ZNF638: variants seen among roughly 807,000 people sequenced by gnomAD.
ZNF638 encodes zinc finger protein 638, also known as CTCL tumor antigen se33-1.
ZNF638 carries 46 observed loss-of-function variants against 195.6 expected under a neutral mutation model. The ratio of observed to expected loss-of-function variants is 0.24; its 90% confidence interval spans 0.19 to 0.30. The LOEUF (loss-of-function observed/expected upper bound fraction) is 0.30. ZNF638 is among the 10% of genes least tolerant of loss of function. The pLI is 1.00. For synonymous variants in ZNF638, 845 were observed against 772.0 expected (o/e 1.09, Z -1.57); for missense variants, 2,440 against 2,325.3 (o/e 1.05, Z -1.01).
chr2:71,404,037 T>G, intron 17 of ZNF638, 39 bp downstream of exon 17: 1 of 1,573,838 alleles, frequency 6.4e-7, no homozygotes, highest in South Asian at 1.2e-5. Context: ...CTTACTAAGT[T>G]TTTAAATCAG....
At chr2:71,332,492 C>G (rs1015264851) in intron 1 of ZNF638, among the ~76,000 whole-genome samples, 4 of 152,154 alleles carry the variant, frequency 2.6e-5, no homozygotes, top group Non-Finnish European at 5.9e-5. Flanking sequence ...CTGCGTAGTG[C>G]AGGTATGAAA....
At chr2:71,433,011 C>A (rs2080697880) in intron 26 of ZNF638, among the ~76,000 whole-genome samples, 154 bp from the exon 27 acceptor site, 1 of 152,238 alleles carries the variant, frequency 6.6e-6, no homozygotes, top group African/African-American at 2.4e-5. Context: ...CACATGAACC[C>A]AGGAGGCAGA....
intron 2 of ZNF638, among the ~76,000 whole-genome samples, chr2:71,355,443 A>T (rs924667674): frequency 2.0e-5 from 3 of 152,116 alleles, no homozygotes; most frequent in Non-Finnish European, 4.4e-5. Context: ...CCAAGTTTAT[A>T]TATTGATTTC....
chr2:71,342,786 T>C (rs1402778666), intron 1 of ZNF638, among the ~76,000 whole-genome samples: 1 of 152,174 alleles, frequency 6.6e-6, no homozygotes, highest in African/African-American at 2.4e-5. Context: ...GCATAAGGGA[T>C]GTTGGTTCCT....
chr2:71,367,486 T>C (rs939790801), intron 6 of ZNF638, among the ~76,000 whole-genome samples: 1 of 144,536 alleles, frequency 6.9e-6, no homozygotes, highest in Non-Finnish European at 1.5e-5. Flanking sequence ...CAGGCTGGAG[T>C]GCAGTGGCGT....
At chr2:71,370,225 A>G (rs57720216) in intron 8 of ZNF638, among the ~76,000 whole-genome samples, 1,943 of 152,320 alleles carry the variant, frequency 0.013, 39 homozygotes, top group African/African-American at 0.042. Flanking sequence ...AATACTTGCC[A>G]TATATAACAC....
rs763884942 is a variant in ZNF638, at chr2:71,418,634, A to G, written c.3294A>G (p.Lys1098=). The G allele has an allele frequency of 2.6e-6, 4 of 1,564,060 alleles. No homozygotes were observed. In the South Asian group the frequency reaches 3.7e-5, roughly 14 times the overall value. ...TTGAGCATGACCCAGAATTAGAAAA[A>G]GAAAGGTATGTTGCTTTATGTTTAC... The part of the protein sequence containing the change: ...VQIEHDPELE[K]ESPGLKNSPI... The change falls in exon 21 of 28, where the codon AAA becomes AAG. Residue 1098 remains lysine, a synonymous_variant. Transcript: ENST00000264447.
intron 8 of ZNF638, chr2:71,376,452 A>G (rs751398729): frequency 2.0e-5 from 3 of 152,182 alleles, no homozygotes; most frequent in Non-Finnish European, 2.9e-5. Flanking sequence ...AGGAAGGGGC[A>G]ATCTTTTTGG....
Position 71,434,894 on chromosome 2 carries a change from G to C in ZNF638, c.*87G>C, listed in dbSNP as rs1049747176. The C allele has an allele frequency of 1.7e-5, 20 of 1,209,686 alleles. No individual in the cohort carries two copies. Among genetic ancestry groups the C allele is most frequent in the Non-Finnish European group, 2.3e-5 (20 of 867,768 alleles). 74.9% of individuals were successfully genotyped at this position (1,209,686 alleles called of 1,614,324 possible). A position where few individuals can be genotyped will look rare whatever the true frequency, so the allele number is the denominator to read the frequency against. ...TGTTATCATTTAATTTGTAATTTTCGTTTCAGAAGCAAATATTCGTGTTGT... is the reference window on the plus strand; with the variant it reads ...TGTTATCATTTAATTTGTAATTTTCCTTTCAGAAGCAAATATTCGTGTTGT... On this transcript the variant is annotated 3_prime_UTR_variant, in exon 28 of 28. Transcript: ENST00000264447.
chr2:71,378,724 A>G (rs1049484847), intron 8 of ZNF638, among the ~76,000 whole-genome samples: 1 of 152,256 alleles, frequency 6.6e-6, no homozygotes, highest in African/African-American at 2.4e-5. Context: ...AACTTTCAGT[A>G]AGTTAGTTGG....
chr2:71,355,673 A>C (rs749283962), intron 2 of ZNF638, 46 bp from the exon 3 acceptor site: 6 of 1,262,306 alleles, frequency 4.8e-6, no homozygotes, highest in Non-Finnish European at 6.7e-6. Context: ...TCATTAGTCA[A>C]CATGAGGAAT....
chr2:71,367,079 A>G (rs1312220797), intron 6 of ZNF638, among the ~76,000 whole-genome samples: 1 of 152,152 alleles, frequency 6.6e-6, no homozygotes, highest in African/African-American at 2.4e-5. Flanking sequence ...ATTTAGAAGG[A>G]TAAACTTCTG....
chr2:71,353,436 G>T (rs1311903028), intron 2 of ZNF638, among the ~76,000 whole-genome samples: 1 of 152,204 alleles, frequency 6.6e-6, no homozygotes, highest in African/African-American at 2.4e-5. Context: ...ATTCTGTGCA[G>T]TCCTTGCAGC....
At chr2:71,429,122 A>G (rs1328491196) in intron 25 of ZNF638, among the ~76,000 whole-genome samples, 1 of 152,224 alleles carries the variant, frequency 6.6e-6, no homozygotes, top group Admixed American at 6.5e-5. Flanking sequence ...TAAAAAGGGT[A>G]GACAAAAGAA....
In ZNF638 at chr2:71,382,454, A is replaced by G. The variant is rs190805928; in HGVS notation, c.2377+1889A>G. 2.4e-3 allele frequency among the ~76,000 whole-genome samples: 367 copies of G among 152,302 alleles called. 1 individual carries two copies. The highest frequency in any genetic ancestry group is 8.5e-3 in the African/African-American group (353 of 41,568). On this transcript the variant is annotated intron_variant, in intron 10 of 27. Coordinates refer to ENST00000264447, the MANE Select transcript of ZNF638 (RefSeq NM_014497.5). ...TGATAATTTTTTGAGATCCGCTCAG[A>G]TTGAAGAGTGACAGGAAGAGTTAAT...
intron 25 of ZNF638, chr2:71,430,958 A>C (rs2080645791): frequency 1.8e-5 from 3 of 162,406 alleles, no homozygotes; most frequent in Admixed American, 1.8e-4. Flanking sequence ...GTATTGGGCC[A>C]TAGAATCAAT....
intron 1 of ZNF638, chr2:71,341,985 C>T (rs1429927648): frequency 6.6e-6 from 1 of 152,074 alleles, no homozygotes; most frequent in Non-Finnish European, 1.5e-5. Context: ...GATCACTTTG[C>T]TTGTTTTGCT....
chr2:71,433,959 G>C (rs2080716826), intron 27 of ZNF638, among the ~76,000 whole-genome samples: 2 of 152,206 alleles, frequency 1.3e-5, no homozygotes, highest in Non-Finnish European at 2.9e-5. Context: ...TAGCTAGTTA[G>C]TAGCAGACCT....
intron 10 of ZNF638, among the ~76,000 whole-genome samples, chr2:71,394,784 A>G (rs547157056): frequency 2.0e-5 from 3 of 152,306 alleles, no homozygotes; most frequent in Admixed American, 2.0e-4. Context: ...AATCAGTACA[A>G]ATAGCTGCTT....
Sources: gnomAD v4.1 joint callset for allele counts (sites outside exome capture counted in the v4.1 genomes callset) on GRCh38, gnomAD v4.1.1 for gene constraint, MANE v1.5 for transcripts, NCBI Gene and HGNC (gene_info 2026-07-23, HGNC 2026-07-21) for gene names.